Variants in EPHB2 observed in about 807,000 individuals in gnomAD.
EPHB2 encodes ephrin type-B receptor 2.
Under a neutral mutation model 96.4 loss-of-function variants are expected in EPHB2, and 18 were observed. The ratio of observed to expected loss-of-function variants is 0.19; its 90% CI spans 0.13 to 0.28. The LOEUF (loss-of-function observed/expected upper bound fraction) is 0.28, where lower values mean the gene tolerates loss of function less well. Among genes scored for constraint, EPHB2 ranks in the 10% least tolerant of loss-of-function variants. The pLI, the probability that EPHB2 is intolerant of heterozygous loss-of-function variation, is 1.00. For synonymous variants in EPHB2, 506 were observed against 534.1 expected, an observed-to-expected ratio of 0.95 and a Z score of 0.72; for missense variants, 989 against 1,355.4, an observed-to-expected ratio of 0.73 and a Z score of 4.25.
chr1:22,775,215 T>A (rs138464253), intron 1 of EPHB2: 8,994 of 779,816 alleles, frequency 0.012, 81 homozygotes, highest in South Asian at 0.02. Context: ...TGGGTTCCAG[T>A]CCTAGCCCTG....
chr1:22,760,538 T>C (rs1198963391), intron 1 of EPHB2, among the ~76,000 whole-genome samples: 4 of 152,190 alleles, frequency 2.6e-5, no homozygotes, highest in Admixed American at 6.5e-5. Flanking sequence ...AAGGAGCAGC[T>C]CTCCAACCTT....
At chr1:22,720,664 C>A (rs940688447) in intron 1 of EPHB2, among the ~76,000 whole-genome samples, 4 of 103,502 alleles carry the variant, frequency 3.9e-5, no homozygotes, top group South Asian at 6.7e-4. Context: ...TCTCATTCCC[C>A]CCCCCCCCCG....
chr1:22,912,380 T>G, intron 14 of EPHB2, 64 bp from the exon 15 acceptor site: 1 of 1,606,886 alleles, frequency 6.2e-7, no homozygotes. Context: ...CCTACAGGCA[T>G]GTCCCTGCAC....
intron 3 of EPHB2, among the ~76,000 whole-genome samples, chr1:22,795,619 C>T (rs1359850500): frequency 2.0e-5 from 3 of 152,144 alleles, no homozygotes; most frequent in East Asian, 3.8e-4. Context: ...GTGTAACATT[C>T]GGATTCACTC....
At chr1:22,809,365 A>G (rs1412133910) in intron 3 of EPHB2, among the ~76,000 whole-genome samples, 3 of 152,240 alleles carry the variant, frequency 2.0e-5, no homozygotes, top group African/African-American at 7.2e-5. Context: ...AGAGATGTCT[A>G]CAGATCAGAC....
Position 22,916,268 on chromosome 1 carries a change from G to T in EPHB2, c.*2698G>T, listed in dbSNP as rs919604469. 2 of 152,432 alleles carry T rather than the reference G, an allele frequency of 1.3e-5. No homozygotes were observed. Among genetic ancestry groups the T allele is most frequent in the African/African-American group, 4.8e-5 (2 of 41,452 alleles). 9.4% of individuals were successfully genotyped at this position (152,432 alleles called of 1,614,324 possible). A position where few individuals can be genotyped will look rare whatever the true frequency, so the allele number is the denominator to read the frequency against. Reference sequence around the variant, plus strand: ...GGGCCCCACATGGGGCTGGCAGTCGGTGCTTCCCGTCAGATGGCTTCCTGT... The same window carrying T: ...GGGCCCCACATGGGGCTGGCAGTCGTTGCTTCCCGTCAGATGGCTTCCTGT... On this transcript the variant is annotated 3_prime_UTR_variant, in exon 16 of 16. Transcript: ENST00000374630. The surrounding 1 kb of genome is among the most constrained non-coding windows in gnomAD (Gnocchi z 4.2).
intron 3 of EPHB2, among the ~76,000 whole-genome samples, chr1:22,810,323 TCTC>T (rs1557688111): frequency 6.6e-6 from 1 of 152,084 alleles, no homozygotes; most frequent in Non-Finnish European, 1.5e-5. Context: ...CCTCCACTGT[TCTC>T]CTGTTTCCTG....
intron 1 of EPHB2, among the ~76,000 whole-genome samples, chr1:22,740,905 C>T (rs1267755933): frequency 6.6e-6 from 1 of 152,130 alleles, no homozygotes; most frequent in East Asian, 1.9e-4. Flanking sequence ...ACCTTCCTCC[C>T]CTGGCTGGGG....
At chr1:22,748,628 C>A (rs911242743) in intron 1 of EPHB2, among the ~76,000 whole-genome samples, 12 of 151,842 alleles carry the variant, frequency 7.9e-5, no homozygotes, top group Middle Eastern at 3.4e-3. Context: ...GATCTGCCCA[C>A]CTCGGCCTCC....
intron 3 of EPHB2, among the ~76,000 whole-genome samples, chr1:22,855,889 C>T (rs1214398304): frequency 6.6e-6 from 1 of 152,166 alleles, no homozygotes; most frequent in Non-Finnish European, 1.5e-5. Context: ...AAGCCCTGGC[C>T]GTAGCTCCAC....
chr1:22,796,150 G>A (rs1006868108), intron 3 of EPHB2, among the ~76,000 whole-genome samples: 1 of 152,214 alleles, frequency 6.6e-6, no homozygotes, highest in African/African-American at 2.4e-5. Flanking sequence ...CTGCTCTTTT[G>A]GACCCCACAC....
intron 1 of EPHB2, among the ~76,000 whole-genome samples, chr1:22,741,382 C>T (rs1052132611): frequency 2.6e-5 from 4 of 152,094 alleles, no homozygotes; most frequent in African/African-American, 9.7e-5. Flanking sequence ...CCCCTGACGA[C>T]ACCTGGCTGC....
intron 1 of EPHB2, among the ~76,000 whole-genome samples, chr1:22,728,959 C>T (rs1643643915): frequency 6.6e-6 from 1 of 152,216 alleles, no homozygotes; most frequent in Non-Finnish European, 1.5e-5. Flanking sequence ...TGCGAGGTTC[C>T]AGCTGCACGC....
chr1:22,903,781 A>G (rs1369456704), intron 9 of EPHB2, among the ~76,000 whole-genome samples: 1 of 152,162 alleles, frequency 6.6e-6, no homozygotes, highest in Non-Finnish European at 1.5e-5. Flanking sequence ...AGCCCTATAG[A>G]CATTGAGTGT....
intron 3 of EPHB2, among the ~76,000 whole-genome samples, chr1:22,839,457 C>T (rs78514000): frequency 6.6e-6 from 1 of 152,126 alleles, no homozygotes; most frequent in Non-Finnish European, 1.5e-5. Context: ...GCAAGAGGCT[C>T]AAAGTCTGGG....
At chr1:22,844,719 C>T (rs892131940) in intron 3 of EPHB2, among the ~76,000 whole-genome samples, 7 of 152,174 alleles carry the variant, frequency 4.6e-5, no homozygotes, top group South Asian at 4.1e-4. Context: ...TCTGAGGAGA[C>T]GAAGCTGGGC....
intron 15 of EPHB2, 173 bp downstream of exon 15, chr1:22,912,772 G>T: frequency 1.2e-6 from 1 of 862,732 alleles, no homozygotes; most frequent in Non-Finnish European, 1.9e-6. Flanking sequence ...ACCCAGGTCT[G>T]CCTGCCACCT....
chr1:22,862,166 C>G (rs1344450065), intron 3 of EPHB2, among the ~76,000 whole-genome samples: 3 of 152,204 alleles, frequency 2.0e-5, no homozygotes, highest in Admixed American at 6.5e-5. Context: ...AGGCAGTTGC[C>G]TCTTATAGGC....
At chr1:22,904,853 T>C (rs1334341501) in intron 9 of EPHB2, among the ~76,000 whole-genome samples, 1 of 152,256 alleles carries the variant, frequency 6.6e-6, no homozygotes, top group Non-Finnish European at 1.5e-5. Flanking sequence ...TCAACTCATA[T>C]GTCCAAGGTC....
Sources: allele counts gnomAD v4.1 joint callset (sites outside exome capture counted in the v4.1 genomes callset), GRCh38; gene constraint gnomAD v4.1.1; non-coding constraint Gnocchi (gnomAD v3.1); transcripts MANE v1.5; gene names NCBI Gene and HGNC (gene_info 2026-07-23, HGNC 2026-07-21).